LCN12: variants seen among roughly 807,000 people sequenced by gnomAD.
LCN12 encodes the protein epididymal-specific lipocalin-12.
In LCN12, 15 loss-of-function variants were observed where a neutral mutation model predicts 23.7. The ratio of observed to expected loss-of-function variants is 0.63; its 90% CI spans 0.42 to 0.97. The LOEUF is 0.97. Among genes scored for constraint, LCN12 ranks in the 50% least tolerant of loss-of-function variants. LCN12 has a pLI of 0.00. For missense variants in LCN12, 219 were observed against 249.6 expected (o/e 0.88, Z 0.83); for synonymous variants, 116 against 111.5 (o/e 1.04, Z -0.25).
In LCN12 at chr9:136,953,904, G is replaced by A. The variant is rs780241219; in HGVS notation, c.388G>A (p.Ala130Thr). The change falls in exon 4 of 6, where the codon GCC becomes ACC. Residue 130 changes from alanine to threonine, a missense_variant. Coordinates refer to ENST00000371633, the MANE Select transcript of LCN12 (RefSeq NM_178536.4). ...GGTGGACAGCGACTACACCCAGTTC[G>A]CCCTGATGCTGTCCCGCAGACACAC... ...RVVDSDYTQF[A>T]LMLSRRHTSR... 1.5e-4 allele frequency: 249 copies of A among 1,611,148 alleles called. No homozygotes were observed. Among genetic ancestry groups the A allele is most frequent in the Non-Finnish European group, 2.0e-4 (239 of 1,179,456 alleles).
At position 136,952,903 on chromosome 9, in the gene LCN12, A is replaced by G. The variant is rs1307544342; in HGVS notation, c.126A>G (p.Glu42=). Residue 42 remains glutamate, a synonymous_variant, in exon 2 of 6, where the codon GAA becomes GAG. Coordinates refer to ENST00000371633, the MANE Select transcript of LCN12 (RefSeq NM_178536.4). ...QSFQGNQFQG[E]WFVLGLAGNS... is the part of the protein sequence containing the mutation. Reference sequence around the variant, plus strand: ...CACCGCCTCTGTAGTTCCAGGGGGAATGGTTCGTCCTGGGCCTGGCGGGCA... The same window carrying G: ...CACCGCCTCTGTAGTTCCAGGGGGAGTGGTTCGTCCTGGGCCTGGCGGGCA... The G allele has an allele frequency of 2.1e-5, 33 of 1,608,740 alleles. No homozygotes were observed. The highest frequency in any genetic ancestry group is 2.8e-5 in the Non-Finnish European group (33 of 1,177,526).
chr9:136,949,476 G>A (rs1851099907), upstream of LCN12: 1 of 152,398 alleles, frequency 6.6e-6, no homozygotes, highest in African/African-American at 2.4e-5. Context: ...ACTCCTCCAT[G>A]TGGGGACGAG....
intron 5 of LCN12, chr9:136,954,491 G>A (rs1462120124): frequency 2.0e-5 from 12 of 586,944 alleles, no homozygotes; most frequent in South Asian, 8.9e-5. Flanking sequence ...CTCCTGTCCC[G>A]GGCCACCTCC....
intron 5 of LCN12, 122 bp from the exon 6 acceptor site, chr9:136,955,249 T>C: frequency 6.7e-7 from 1 of 1,492,214 alleles, no homozygotes; most frequent in Non-Finnish European, 8.9e-7. Flanking sequence ...CTGGTCCCCT[T>C]TCTCCCTCCT....
At chr9:136,953,079 G>C (rs1851204777) in intron 2 of LCN12, 51 bp downstream of exon 2, 2 of 1,605,256 alleles carry the variant, frequency 1.2e-6, no homozygotes, top group South Asian at 2.2e-5. Flanking sequence ...TCCCGGGCCT[G>C]GGTCCCAGCC....
At chr9:136,949,545 G>A (rs1382613598), upstream of LCN12, 1 of 152,218 alleles carries the variant, frequency 6.6e-6, no homozygotes, top group Non-Finnish European at 1.5e-5. Context: ...ACCCCCAAGG[G>A]GCCTCCCAGC....
intron 5 of LCN12, chr9:136,954,472 A>G (rs1331603962): frequency 3.5e-6 from 2 of 574,490 alleles, no homozygotes; most frequent in Admixed American, 2.5e-5. Flanking sequence ...ACCTCCTCCC[A>G]CCCCGGGTCT....
upstream of LCN12, chr9:136,949,740 CGAA>C (rs1564444689): frequency 6.6e-6 from 1 of 152,538 alleles, no homozygotes. Context: ...TGCCGGGGAG[CGAA>C]GCAGAGGGAA....
chr9:136,950,046 G>A (rs1037553779), upstream of LCN12, among the ~76,000 whole-genome samples: 3 of 151,000 alleles, frequency 2.0e-5, no homozygotes, highest in Non-Finnish European at 3.0e-5. Context: ...GAGCCCCGCA[G>A]GTGCCTCAAG....
upstream of LCN12, among the ~76,000 whole-genome samples, chr9:136,950,904 G>A (rs11792444): frequency 0.21 from 31,755 of 150,948 alleles, 3,565 homozygotes; most frequent in Non-Finnish European, 0.25. Flanking sequence ...GCAGGCTGCC[G>A]AGGCCCAGGG....
At chr9:136,952,827 G>A (rs1851192995) in intron 1 of LCN12, 65 bp from the exon 2 acceptor site, 1 of 1,567,722 alleles carries the variant, frequency 6.4e-7, no homozygotes. Flanking sequence ...GGCGGGAGGG[G>A]GCTCCTGACC....
At chr9:136,956,475 A>G (rs1851319333), downstream of LCN12, among the ~76,000 whole-genome samples, 1 of 152,210 alleles carries the variant, frequency 6.6e-6, no homozygotes, top group African/African-American at 2.4e-5. Flanking sequence ...GGCCCCAACG[A>G]GATGGATCCC....
intron 2 of LCN12, 101 bp downstream of exon 2, chr9:136,953,129 A>AG (rs1038742724): frequency 6.7e-7 from 1 of 1,494,014 alleles, no homozygotes; most frequent in Non-Finnish European, 9.1e-7. Flanking sequence ...GTCCCAGCAC[A>AG]GGCAGCTTCA....
At position 136,953,026 on chromosome 9, in the gene LCN12, T is replaced by C. The variant is rs985105921; in HGVS notation, c.249T>C (p.Thr83=). 1 of 1,613,812 alleles carries C rather than the reference T, an allele frequency of 6.2e-7. No individual in the cohort carries two copies. The highest frequency in any genetic ancestry group is 1.7e-5 in the Admixed American group (1 of 60,024). ...DGRFEVWNAM[T]RGQHCDTWSY... Reference sequence around the variant, plus strand: ...GCTTTGAGGTGTGGAATGCGATGACTCGGTGAGTGGCTGTCCCTGCCGTTC... The same window carrying C: ...GCTTTGAGGTGTGGAATGCGATGACCCGGTGAGTGGCTGTCCCTGCCGTTC... Residue 83 remains threonine (T), a splice_region_variant and synonymous_variant, in exon 2 of 6, where the codon ACT becomes ACC. Coordinates refer to ENST00000371633, the MANE Select transcript of LCN12 (RefSeq NM_178536.4).
intron 2 of LCN12, 125 bp downstream of exon 2, chr9:136,953,153 C>G (rs1019272417): frequency 1.2e-5 from 16 of 1,326,296 alleles, no homozygotes; most frequent in East Asian, 4.7e-5. Context: ...CTCTGCCTGC[C>G]AATGACCAAA....
rs749164869 is a variant in LCN12 at position 136,953,842 on chromosome 9, C to T, written c.332-6C>T. ...CCACAGGGATGTGACGTCTGTGCCG[C>T]CTCAGAGCCCGGGGCGGACAGAGAG... On this transcript the variant is annotated splice_region_variant and splice_polypyrimidine_tract_variant and intron_variant, in intron 3 of 5. Coordinates refer to ENST00000371633, the MANE Select transcript of LCN12 (RefSeq NM_178536.4). The T allele has an allele frequency of 5.0e-6, 8 of 1,598,636 alleles. No homozygotes were observed. The East Asian group carries it at 1.4e-4, about 27-fold the overall frequency.
downstream of LCN12, among the ~76,000 whole-genome samples, chr9:136,956,460 C>G (rs1285238205): frequency 6.6e-6 from 1 of 152,252 alleles, no homozygotes; most frequent in African/African-American, 2.4e-5. Context: ...CCTCCCTGCC[C>G]TGACGGCCCC....
chr9:136,954,510 C>T (rs1295416547), intron 5 of LCN12: 1 of 556,538 alleles, frequency 1.8e-6, no homozygotes, highest in Admixed American at 2.4e-5. Context: ...CCTCCCGCCC[C>T]AGGTCCCCTG....
downstream of LCN12, among the ~76,000 whole-genome samples, chr9:136,955,934 A>C (rs1185287267): frequency 6.6e-6 from 1 of 152,090 alleles, no homozygotes; most frequent in Non-Finnish European, 1.5e-5. Context: ...GAACAGGAGG[A>C]GGCCCTGGTG....
Sources: gnomAD v4.1 joint callset for allele counts (sites outside exome capture counted in the v4.1 genomes callset) on GRCh38, gnomAD v4.1.1 for gene constraint, MANE v1.5 for transcripts, NCBI Gene and HGNC (gene_info 2026-07-23, HGNC 2026-07-21) for gene names.